Variants in GFOD1 observed in about 807,000 individuals in gnomAD.
GFOD1 encodes the protein Gfo/Idh/MocA-like oxidoreductase domain containing 1.
GFOD1 carries 9 observed loss-of-function variants against 25.4 expected under a neutral mutation model. The ratio of observed to expected loss-of-function variants is 0.35; its 90% CI spans 0.21 to 0.62. The LOEUF (loss-of-function observed/expected upper bound fraction) is 0.62, where lower values mean the gene tolerates loss of function less well. Among genes scored for constraint, GFOD1 ranks in the 20% least tolerant of loss-of-function variants. The pLI is 0.72. For missense variants in GFOD1, 403 were observed against 556.9 expected (o/e 0.72, Z 2.78); for synonymous variants, 253 against 245.6 (o/e 1.03, Z -0.28).
In GFOD1 at chr6:13,361,180, A is replaced by G. The variant is rs1235410275; in HGVS notation, c.*3563T>C. 1 of 292,218 alleles carries G rather than the reference A, an allele frequency of 3.4e-6. No individual in the cohort carries two copies. The highest frequency in any genetic ancestry group is 9.4e-5 in the East Asian group (1 of 10,650). The allele number at this position is 292,218 out of a possible 1,614,324, so 18.1% of individuals were successfully genotyped here. ...AGTGGTATTTGCTGCCATGTAGGCTAAGGGGGGTCTGGGGTGCCCTACAAT... is the reference window on the plus strand; with the variant it reads ...AGTGGTATTTGCTGCCATGTAGGCTGAGGGGGGTCTGGGGTGCCCTACAAT... On this transcript the variant is annotated 3_prime_UTR_variant, in exon 2 of 2. Transcript: ENST00000379287.
At chr6:13,457,812 C>T (rs1160817056) in intron 1 of GFOD1, among the ~76,000 whole-genome samples, 6 of 152,210 alleles carry the variant, frequency 3.9e-5, no homozygotes, top group Non-Finnish European at 8.8e-5. Context: ...TGGCTTGGCT[C>T]AGTGTGCTCT....
At chr6:13,410,761 A>T (rs1467404312) in intron 1 of GFOD1, among the ~76,000 whole-genome samples, 1 of 152,164 alleles carries the variant, frequency 6.6e-6, no homozygotes, top group East Asian at 1.9e-4. Flanking sequence ...ATCCCAGGAC[A>T]GACCAATATA....
chr6:13,475,932 C>T (rs1445962976), intron 1 of GFOD1, among the ~76,000 whole-genome samples: 2 of 151,940 alleles, frequency 1.3e-5, no homozygotes, highest in Non-Finnish European at 2.9e-5. Flanking sequence ...AAAAAAAAGA[C>T]TGACAATACC....
intron 1 of GFOD1, among the ~76,000 whole-genome samples, chr6:13,419,603 A>AC (rs1388237387): frequency 6.6e-6 from 1 of 152,042 alleles, no homozygotes; most frequent in African/African-American, 2.4e-5. Context: ...TTGATGTAGA[A>AC]CCCCGAGTCA....
At chr6:13,372,396 G>C (rs1785170963) in intron 1 of GFOD1, among the ~76,000 whole-genome samples, 1 of 152,210 alleles carries the variant, frequency 6.6e-6, no homozygotes, top group African/African-American at 2.4e-5. Flanking sequence ...TGGCCCTCCT[G>C]AGAAATCTGT....
At position 13,414,848 on chromosome 6, in the gene GFOD1, G is replaced by T. The variant is rs62386729; in HGVS notation, c.254-49186C>A. Among the ~76,000 whole-genome samples the T allele has an allele frequency of 2.2e-3, 332 of 152,294 alleles. 1 individual carries two copies. Among genetic ancestry groups the T allele is most frequent in the Middle Eastern group, 6.8e-3 (2 of 294 alleles). The stretch of plus-strand genomic sequence containing the variant: ...AAATTAGATTTTCTTGGGTGGTAGT[G>T]GGGGAGGGCTTAGAATCCTATGAAC... On this transcript the variant is annotated intron_variant, in intron 1 of 1. Coordinates refer to ENST00000379287, the MANE Select transcript of GFOD1 (RefSeq NM_018988.4).
At chr6:13,478,071 A>AC (rs1318303900) in intron 1 of GFOD1, among the ~76,000 whole-genome samples, 1 of 151,860 alleles carries the variant, frequency 6.6e-6, no homozygotes, top group Non-Finnish European at 1.5e-5. Flanking sequence ...CTCAAAAAAA[A>AC]AAAAAACAAA....
At chr6:13,415,887 C>T (rs1370525630) in intron 1 of GFOD1, among the ~76,000 whole-genome samples, 1 of 152,198 alleles carries the variant, frequency 6.6e-6, no homozygotes, top group Admixed American at 6.5e-5. Flanking sequence ...AACCATGTTT[C>T]TGGCACACAG....
intron 1 of GFOD1, among the ~76,000 whole-genome samples, chr6:13,390,378 C>T (rs535002541): frequency 2.6e-5 from 4 of 151,938 alleles, no homozygotes; most frequent in Admixed American, 2.0e-4. Flanking sequence ...ATCACTTAAA[C>T]CCAGGAGTTC....
chr6:13,414,743 C>T (rs1562211656), intron 1 of GFOD1, among the ~76,000 whole-genome samples: 1 of 152,178 alleles, frequency 6.6e-6, no homozygotes, highest in Non-Finnish European at 1.5e-5. Flanking sequence ...TAAAGGGGTT[C>T]CCTTTTGTTT....
intron 1 of GFOD1, among the ~76,000 whole-genome samples, chr6:13,468,784 G>C (rs1758422963): frequency 6.6e-6 from 1 of 152,064 alleles, no homozygotes. Context: ...CCTCCCATCT[G>C]AGATATCAAG....
chr6:13,358,406 A>G lies in GFOD1; in HGVS notation c.*6337T>C, dbSNP rs1352617485. On this transcript the variant is annotated 3_prime_UTR_variant, in exon 2 of 2. Coordinates refer to ENST00000379287, the MANE Select transcript of GFOD1 (RefSeq NM_018988.4). ...AGCCAAACAAATGCCATTTTGGTTA[A>G]AAAACACAACAACAACAATAAAAAG... The G allele has an allele frequency of 6.6e-6, 1 of 152,182 alleles. No individual in the cohort carries two copies. Among genetic ancestry groups the G allele is most frequent in the Non-Finnish European group, 1.5e-5 (1 of 68,034 alleles). 9.4% of individuals were successfully genotyped at this position (152,182 alleles called of 1,614,324 possible).
intron 1 of GFOD1, among the ~76,000 whole-genome samples, chr6:13,441,572 G>T (rs1757916957): frequency 6.6e-6 from 1 of 152,292 alleles, no homozygotes; most frequent in South Asian, 2.1e-4. Context: ...CGAATAGTAA[G>T]TTCTCCCTTC....
rs144880953 is a variant in GFOD1 at position 13,486,843 on chromosome 6, G to A, written c.48C>T (p.Val16=). 2.4e-5 allele frequency: 39 copies of A among 1,613,166 alleles called. No homozygotes were observed. Among genetic ancestry groups the A allele is most frequent in the Non-Finnish European group, 3.3e-5 (39 of 1,180,002 alleles). The change falls in exon 1 of 2, where the codon GTC becomes GTT. Residue 16 remains valine, a synonymous_variant. Coordinates refer to ENST00000379287, the MANE Select transcript of GFOD1 (RefSeq NM_018988.4). ...GVFGTSLTAR[V]IIPLLKDEGF... ...CCTCGTCTTTCAGCAGCGGGATGAT[G>A]ACACGGGCCGTGAGGCTGGTGCCGA...
intron 1 of GFOD1, among the ~76,000 whole-genome samples, chr6:13,480,338 C>T (rs1329416182): frequency 1.3e-5 from 2 of 152,210 alleles, no homozygotes; most frequent in Admixed American, 6.5e-5. Flanking sequence ...TCACATTCCA[C>T]ACAAGGCAAC....
chr6:13,419,096 C>T (rs1374085248), intron 1 of GFOD1, among the ~76,000 whole-genome samples: 2 of 152,286 alleles, frequency 1.3e-5, no homozygotes, highest in African/African-American at 4.8e-5. Flanking sequence ...GGAGAAGAAG[C>T]AGATGGTTCT....
chr6:13,393,945 A>T (rs750965703), intron 1 of GFOD1, among the ~76,000 whole-genome samples: 3 of 151,674 alleles, frequency 2.0e-5, no homozygotes, highest in Admixed American at 1.3e-4. Context: ...CGCCCGGCTA[A>T]TTTTTTGTAT....
At chr6:13,460,853 T>A (rs1163755840) in intron 1 of GFOD1, among the ~76,000 whole-genome samples, 2 of 152,160 alleles carry the variant, frequency 1.3e-5, no homozygotes, top group Admixed American at 6.5e-5. Context: ...AACATTTTTT[T>A]AAAAAGGGTT....
At chr6:13,435,312 C>T (rs1757817525) in intron 1 of GFOD1, among the ~76,000 whole-genome samples, 1 of 152,150 alleles carries the variant, frequency 6.6e-6, no homozygotes, top group Non-Finnish European at 1.5e-5. Flanking sequence ...ACATGCTGTA[C>T]CCTCTGCCGG....
Sources: gnomAD v4.1 joint callset for allele counts (sites outside exome capture counted in the v4.1 genomes callset) on GRCh38, gnomAD v4.1.1 for gene constraint, MANE v1.5 for transcripts, NCBI Gene and HGNC (gene_info 2026-07-23, HGNC 2026-07-21) for gene names.